SNX8: variants seen among roughly 807,000 people sequenced by gnomAD.
SNX8 encodes the protein sorting nexin 8, also known as sorting nexin-8.
Under a neutral mutation model 51.6 loss-of-function variants are expected in SNX8, and 25 were observed. The ratio of observed to expected loss-of-function variants is 0.48; its 90% confidence interval spans 0.35 to 0.68. The LOEUF (loss-of-function observed/expected upper bound fraction) is 0.68, where lower values mean the gene tolerates loss of function less well. Among genes scored for constraint, SNX8 ranks in the 30% least tolerant of loss-of-function variants. The pLI, the probability that SNX8 is intolerant of heterozygous loss-of-function variation, is 0.00. For synonymous variants in SNX8, 324 were observed against 277.0 expected, an observed-to-expected ratio of 1.17 and a Z score of -1.68; for missense variants, 695 against 624.0, an observed-to-expected ratio of 1.11 and a Z score of -1.21.
chr7:2,278,156 T>C lies in SNX8; in HGVS notation c.244A>G (p.Ile82Val), dbSNP rs927762019. 6.2e-6 allele frequency: 10 copies of C among 1,614,160 alleles called. No homozygotes were observed. The Middle Eastern group carries it at 1.2e-3, about 186-fold the overall frequency. ...AGGAAGAGGCCCTTCTTCTCCGGAATGAGCTCCACCTGCACGGTGTCCCTG... is the reference window on the plus strand; with the variant it reads ...AGGAAGAGGCCCTTCTTCTCCGGAACGAGCTCCACCTGCACGGTGTCCCTG... ...LARDTVQVEL[I>V]PEKKGLFLKH... The change falls in exon 2 of 11, where the codon ATT becomes GTT. Residue 82 changes from isoleucine (I) to valine (V), a missense_variant. Ile to Val is a conservative substitution (Grantham distance 29). Coordinates refer to ENST00000222990, the MANE Select transcript of SNX8 (RefSeq NM_013321.4).
intron 1 of SNX8, among the ~76,000 whole-genome samples, chr7:2,332,618 G>A (rs1482548663): frequency 6.6e-6 from 1 of 151,922 alleles, no homozygotes; most frequent in Non-Finnish European, 1.5e-5. Context: ...GCTGGGCGTG[G>A]TGGAGGACAC....
intron 9 of SNX8, 21 bp downstream of exon 9, chr7:2,257,344 C>G: frequency 6.3e-7 from 1 of 1,597,400 alleles, no homozygotes; most frequent in Non-Finnish European, 8.5e-7. Flanking sequence ...CACGGGCCTG[C>G]TCGGCCGCCC....
At chr7:2,271,742 A>T in intron 4 of SNX8, 108 bp downstream of exon 4, 1 of 1,325,720 alleles carries the variant, frequency 7.5e-7, no homozygotes, top group Non-Finnish European at 1.0e-6. Context: ...CTGGGCGTCC[A>T]AACAAGGGAC....
At chr7:2,313,981 C>G (rs968830073) in intron 1 of SNX8, among the ~76,000 whole-genome samples, 2 of 152,232 alleles carry the variant, frequency 1.3e-5, no homozygotes, top group African/African-American at 4.8e-5. Context: ...GGCAGAAGAG[C>G]AGGGCACCAG....
intron 1 of SNX8, among the ~76,000 whole-genome samples, chr7:2,334,562 G>A (rs1427054740): frequency 1.3e-5 from 2 of 152,034 alleles, no homozygotes; most frequent in Non-Finnish European, 2.9e-5. Flanking sequence ...AATTAGCTGG[G>A]CGTGGTGGTG....
At chr7:2,271,296 CCT>C (rs1392898399) in intron 4 of SNX8, among the ~76,000 whole-genome samples, 4 of 152,254 alleles carry the variant, frequency 2.6e-5, no homozygotes, top group Non-Finnish European at 5.9e-5. Context: ...CCAGCCTCGG[CCT>C]CTCCGAGCGC....
chr7:2,346,620 C>A (rs974285437), intron 1 of SNX8, among the ~76,000 whole-genome samples: 1 of 150,890 alleles, frequency 6.6e-6, no homozygotes, highest in East Asian at 1.9e-4. Context: ...GTGGTGGGCA[C>A]CTGTAGTCCC....
chr7:2,283,176 C>G (rs115161385), intron 1 of SNX8, among the ~76,000 whole-genome samples: 4,307 of 152,154 alleles, frequency 0.028, 210 homozygotes, highest in African/African-American at 0.098. Flanking sequence ...CATGCAAAGA[C>G]GCTCCCCCTT....
chr7:2,336,590 C>T (rs780987656), intron 1 of SNX8, among the ~76,000 whole-genome samples: 2 of 152,052 alleles, frequency 1.3e-5, no homozygotes, highest in Non-Finnish European at 2.9e-5. Context: ...CACCTGTAAA[C>T]CCAGCTACTT....
At chr7:2,341,278 C>T (rs1778919024) in intron 1 of SNX8, among the ~76,000 whole-genome samples, 1 of 152,006 alleles carries the variant, frequency 6.6e-6, no homozygotes, top group African/African-American at 2.4e-5. Context: ...GCAGGAGGAT[C>T]GCTTGAGGCC....
At chr7:2,294,726 T>A (rs1160357591) in intron 1 of SNX8, among the ~76,000 whole-genome samples, 1 of 152,118 alleles carries the variant, frequency 6.6e-6, no homozygotes, top group East Asian at 1.9e-4. Flanking sequence ...CCCTCTGCAC[T>A]CCGAGGTCCC....
chr7:2,280,287 A>T (rs1795880417), intron 1 of SNX8, among the ~76,000 whole-genome samples: 1 of 152,208 alleles, frequency 6.6e-6, no homozygotes, highest in Non-Finnish European at 1.5e-5. Context: ...TTTTTAATAC[A>T]AAGTGAGTTC....
At chr7:2,299,411 G>A (rs1343898210) in intron 1 of SNX8, 1 of 152,136 alleles carries the variant, frequency 6.6e-6, no homozygotes, top group Non-Finnish European at 1.5e-5. Flanking sequence ...AAGGACATCA[G>A]AGCCATCCGT....
Position 2,269,761 on chromosome 7 carries a change from T to A in SNX8, c.541-122A>T, listed in dbSNP as rs1795598934. 8 of 586,656 alleles carry A rather than the reference T, an allele frequency of 1.4e-5. No homozygotes were observed. The South Asian group carries it at 1.8e-4, about 13-fold the overall frequency. The allele number at this position is 586,656 out of a possible 1,614,324, so 36.3% of individuals were successfully genotyped here. A position where few individuals can be genotyped will look rare whatever the true frequency, so the allele number is the denominator to read the frequency against. The stretch of plus-strand genomic sequence containing the variant: ...TCAGGAGAAACACATTTCCATATGT[T>A]GGCTTTGACATTAGTATTCTGCAAT... On this transcript the variant is annotated intron_variant, in intron 4 of 10. Transcript: ENST00000222990.
At chr7:2,258,636 ACAGGGAAGGGGGCG>A in intron 7 of SNX8, among the ~76,000 whole-genome samples, 1 of 152,118 alleles carries the variant, frequency 6.6e-6, no homozygotes, top group Non-Finnish European at 1.5e-5. Flanking sequence ...GGAAGGGGGC[ACAGGGAAGGGGGCG>A]CAGGGTAGGT....
intron 9 of SNX8, 145 bp downstream of exon 9, chr7:2,257,220 C>A (rs1795208811): frequency 1.7e-6 from 2 of 1,166,852 alleles, no homozygotes; most frequent in Non-Finnish European, 2.4e-6. Flanking sequence ...GGCACGCGGG[C>A]CAGCTCCCTG....
intron 1 of SNX8, among the ~76,000 whole-genome samples, chr7:2,345,095 C>A (rs570909878): frequency 6.6e-6 from 1 of 152,170 alleles, no homozygotes; most frequent in South Asian, 2.1e-4. Flanking sequence ...ACCCGCAAAT[C>A]CTACTTTTAG....
At chr7:2,277,103 C>A (rs2115134023) in intron 2 of SNX8, among the ~76,000 whole-genome samples, 1 of 152,364 alleles carries the variant, frequency 6.6e-6, no homozygotes. Context: ...GCGAATCCCA[C>A]AAGCCCTGCT....
chr7:2,288,119 G>A (rs550737772), intron 1 of SNX8: 1 of 152,238 alleles, frequency 6.6e-6, no homozygotes, highest in African/African-American at 2.4e-5. Flanking sequence ...GAGGCGGGTG[G>A]ATTACCTGAG....
Sources: allele counts gnomAD v4.1 joint callset (sites outside exome capture counted in the v4.1 genomes callset), GRCh38; gene constraint gnomAD v4.1.1; transcripts MANE v1.5; gene names NCBI Gene and HGNC (gene_info 2026-07-23, HGNC 2026-07-21).